CD2AP: variants seen among roughly 807,000 people sequenced by gnomAD.
CD2AP encodes the protein CD2 associated protein.
In CD2AP, 46 loss-of-function variants were observed where a neutral mutation model predicts 85.1. The ratio of observed to expected loss-of-function variants is 0.54; its 90% CI spans 0.43 to 0.69. CD2AP has a LOEUF of 0.69. Among genes scored for constraint, CD2AP ranks in the 30% least tolerant of loss-of-function variants. CD2AP has a pLI of 0.00. For missense variants in CD2AP, 769 were observed against 729.5 expected (o/e 1.05, Z -0.62); for synonymous variants, 255 against 252.9 (o/e 1.01, Z -0.08).
intron 1 of CD2AP, among the ~76,000 whole-genome samples, chr6:47,499,782 G>T (rs901890337): frequency 6.6e-6 from 1 of 152,102 alleles, no homozygotes; most frequent in African/African-American, 2.4e-5. Context: ...TTGCTCTGTC[G>T]CAGTGGCACG....
chr6:47,541,036 G>A (rs1767199899), intron 3 of CD2AP, among the ~76,000 whole-genome samples: 3 of 152,314 alleles, frequency 2.0e-5, no homozygotes, highest in South Asian at 2.1e-4. Flanking sequence ...AAAATTTACC[G>A]TGAGGTCTGG....
In CD2AP at chr6:47,624,212, T is replaced by C; in HGVS notation, c.1905T>C (p.Ala635=). 2 of 1,612,582 alleles carry C rather than the reference T, an allele frequency of 1.2e-6. No homozygotes were observed. The highest frequency in any genetic ancestry group is 1.7e-6 in the Non-Finnish European group (2 of 1,178,746). ...LEMEIEKLKK[A]VLSS ...TGGAAATAGAGAAGCTGAAAAAAGCTGTCCTGTCTTCTTGAGTGGTGTGGA... is the reference window on the plus strand; with the variant it reads ...TGGAAATAGAGAAGCTGAAAAAAGCCGTCCTGTCTTCTTGAGTGGTGTGGA... The change falls in exon 18 of 18, where the codon GCT becomes GCC. Residue 635 remains alanine, a synonymous_variant. Transcript: ENST00000359314.
At chr6:47,540,791 A>G (rs1013735404) in intron 3 of CD2AP, among the ~76,000 whole-genome samples, 1 of 152,220 alleles carries the variant, frequency 6.6e-6, no homozygotes, top group African/African-American at 2.4e-5. Flanking sequence ...AAGGTCTGAA[A>G]TTATCAGAAA....
chr6:47,534,242 A>C (rs1210077545), intron 3 of CD2AP, among the ~76,000 whole-genome samples: 2 of 152,226 alleles, frequency 1.3e-5, no homozygotes, highest in Non-Finnish European at 2.9e-5. Flanking sequence ...AGAGCATTAC[A>C]TTTGAAATCA....
chr6:47,536,592 A>G (rs145392451), intron 3 of CD2AP, among the ~76,000 whole-genome samples: 437 of 152,322 alleles, frequency 2.9e-3, no homozygotes, highest in African/African-American at 9.4e-3. Flanking sequence ...TTTTTGGGAT[A>G]GTAATGAAGC....
Position 47,497,306 on chromosome 6 carries a change from T to TTTTCCTTTCCTTTCC in CD2AP, c.5-5958_5-5944dup, listed in dbSNP as rs760711476. Among the ~76,000 whole-genome samples the TTTTCCTTTCCTTTCC allele has an allele frequency of 1.2e-3, 119 of 102,768 alleles. 1 individual carries two copies. Among genetic ancestry groups the TTTTCCTTTCCTTTCC allele is most frequent in the African/African-American group, 3.4e-3 (111 of 32,250 alleles). The allele number at this position is 102,768 out of a possible 152,430, so 67.4% of individuals were successfully genotyped here. ...TTCCCTTTTCCTGTTCCCGTTCCCT[T>TTTTCCTTTCCTTTCC]TTTCCTTTCCTTTCCTTTCCTTTCC... On this transcript the variant is annotated intron_variant, in intron 1 of 17. Coordinates refer to ENST00000359314, the MANE Select transcript of CD2AP (RefSeq NM_012120.3).
At chr6:47,496,764 T>C (rs1359924020) in intron 1 of CD2AP, among the ~76,000 whole-genome samples, 2 of 152,242 alleles carry the variant, frequency 1.3e-5, no homozygotes, top group East Asian at 3.8e-4. Flanking sequence ...ATGTTTTGGC[T>C]TTCATCTTTC....
intron 1 of CD2AP, among the ~76,000 whole-genome samples, chr6:47,494,186 G>T (rs902409083): frequency 2.0e-5 from 3 of 152,138 alleles, no homozygotes; most frequent in African/African-American, 7.2e-5. Context: ...TCGTTAGTGT[G>T]AGGATTTATA....
intron 1 of CD2AP, among the ~76,000 whole-genome samples, chr6:47,498,988 A>G (rs541002883): frequency 2.0e-5 from 3 of 152,304 alleles, no homozygotes; most frequent in Admixed American, 6.5e-5. Flanking sequence ...GATGGGGTAT[A>G]TTCTTTTAAT....
chr6:47,580,556 T>C (rs1263542390), intron 9 of CD2AP, among the ~76,000 whole-genome samples: 1 of 152,152 alleles, frequency 6.6e-6, no homozygotes, highest in African/African-American at 2.4e-5. Flanking sequence ...TACTTAGGAA[T>C]CTTAACCTAG....
intron 14 of CD2AP, among the ~76,000 whole-genome samples, chr6:47,606,548 T>A (rs552385635): frequency 4.9e-4 from 75 of 152,200 alleles, no homozygotes; most frequent in African/African-American, 1.7e-3. Flanking sequence ...AAAGAACCTG[T>A]TTAATTTATC....
At chr6:47,520,953 A>G (rs917157635) in intron 2 of CD2AP, among the ~76,000 whole-genome samples, 1 of 151,984 alleles carries the variant, frequency 6.6e-6, no homozygotes, top group Non-Finnish European at 1.5e-5. Context: ...GGCAAAAAGA[A>G]TATTAGTGAA....
chr6:47,518,270 T>G (rs1025822222), intron 2 of CD2AP, among the ~76,000 whole-genome samples: 4 of 152,246 alleles, frequency 2.6e-5, no homozygotes, highest in Non-Finnish European at 4.4e-5. Flanking sequence ...TCTGTGAGTT[T>G]TGACAAATAT....
intron 1 of CD2AP, among the ~76,000 whole-genome samples, chr6:47,496,595 T>C (rs1765862941): frequency 6.6e-6 from 1 of 152,220 alleles, no homozygotes; most frequent in Non-Finnish European, 1.5e-5. Context: ...ACCACTTTAA[T>C]ATTTACTGCT....
At chr6:47,571,743 A>C (rs182442128) in intron 5 of CD2AP, among the ~76,000 whole-genome samples, 1 of 152,284 alleles carries the variant, frequency 6.6e-6, no homozygotes, top group East Asian at 1.9e-4. Flanking sequence ...TGCTTATACA[A>C]GGCCAAGAAT....
chr6:47,505,767 A>C (rs1582488216), intron 2 of CD2AP, among the ~76,000 whole-genome samples: 5 of 66,678 alleles, frequency 7.5e-5, no homozygotes, highest in East Asian at 3.6e-4. Flanking sequence ...GGCGCCCCTC[A>C]CCTCCCGGAC....
chr6:47,589,567 T>C (rs201150299), intron 11 of CD2AP, among the ~76,000 whole-genome samples: 130 of 37,698 alleles, frequency 3.4e-3, no homozygotes, highest in East Asian at 0.024. Flanking sequence ...CACACACACA[T>C]ATATATATAT....
chr6:47,556,208 C>T (rs554065004), intron 5 of CD2AP, among the ~76,000 whole-genome samples: 45 of 148,344 alleles, frequency 3.0e-4, no homozygotes, highest in African/African-American at 1.0e-3. Context: ...CTTCCCCTTG[C>T]GCCCCCCTCA....
At chr6:47,499,307 ATG>A (rs34508069) in intron 1 of CD2AP, among the ~76,000 whole-genome samples, 22 of 150,230 alleles carry the variant, frequency 1.5e-4, no homozygotes, top group African/African-American at 5.1e-4. Context: ...GTGTATGTGC[ATG>A]TGTGTGTGTG....
Sources: gnomAD v4.1 joint callset for allele counts (sites outside exome capture counted in the v4.1 genomes callset) on GRCh38, gnomAD v4.1.1 for gene constraint, MANE v1.5 for transcripts, NCBI Gene and HGNC (gene_info 2026-07-23, HGNC 2026-07-21) for gene names.